KCNH1: variants seen among roughly 807,000 people sequenced by gnomAD.
The protein encoded by KCNH1 is potassium voltage-gated channel subfamily H member 1.
Under a neutral mutation model 69.2 loss-of-function variants are expected in KCNH1, and 27 were observed. The observed-to-expected ratio is 0.39, with a 90% CI of 0.29 to 0.54. KCNH1 has a LOEUF of 0.54. KCNH1 is among the 20% of genes least tolerant of loss of function. The pLI, the probability that KCNH1 is intolerant of heterozygous loss-of-function variation, is 0.68. For synonymous variants in KCNH1, 456 were observed against 487.7 expected, an observed-to-expected ratio of 0.93 and a Z score of 0.86; for missense variants, 798 against 1,261.6, an observed-to-expected ratio of 0.63 and a Z score of 5.57.
At chr1:210,735,417 AGTGAGTGTGTGTGTGTGT>A (rs1198629019) in intron 10 of KCNH1, among the ~76,000 whole-genome samples, 9 of 115,966 alleles carry the variant, frequency 7.8e-5, no homozygotes, top group African/African-American at 1.4e-4. Context: ...TGAATGAGTG[AGTGAGTGTGTGTGTGTGT>A]GTGTGTGTGT....
chr1:210,710,236 C>T (rs1682034444), intron 10 of KCNH1, among the ~76,000 whole-genome samples: 1 of 151,920 alleles, frequency 6.6e-6, no homozygotes, highest in African/African-American at 2.4e-5. Flanking sequence ...AAAAAAAATA[C>T]CACACCTGTA....
At chr1:210,944,828 A>C (rs1237365931) in intron 6 of KCNH1, among the ~76,000 whole-genome samples, 1 of 152,244 alleles carries the variant, frequency 6.6e-6, no homozygotes, top group Non-Finnish European at 1.5e-5. Context: ...TACATTCACA[A>C]GGTTGTACAA....
At chr1:211,082,753 C>T (rs558062637) in intron 5 of KCNH1, 27 bp downstream of exon 5, 1 of 1,577,436 alleles carries the variant, frequency 6.3e-7, no homozygotes, top group Non-Finnish European at 8.7e-7. Flanking sequence ...AAGTGAGGCT[C>T]AAGATGAGCT....
chr1:210,860,965 A>G, intron 7 of KCNH1: 1 of 987,702 alleles, frequency 1.0e-6, no homozygotes, highest in East Asian at 2.4e-5. Context: ...TGTTTCAGCT[A>G]AAGAGCCAAT....
intron 7 of KCNH1, among the ~76,000 whole-genome samples, chr1:210,823,254 C>T (rs556426752): frequency 7.9e-5 from 12 of 151,926 alleles, no homozygotes; most frequent in Non-Finnish European, 1.8e-4. Context: ...GAAAAAAAAA[C>T]AACCCAAATT....
intron 5 of KCNH1, among the ~76,000 whole-genome samples, chr1:211,041,634 C>T (rs75656303): frequency 0.032 from 4,923 of 152,200 alleles, 164 homozygotes; most frequent in East Asian, 0.17. Flanking sequence ...CTCTTTATAT[C>T]AGACTCCATC....
chr1:210,778,560 G>T (rs1468222025), intron 9 of KCNH1, among the ~76,000 whole-genome samples: 1 of 150,450 alleles, frequency 6.6e-6, no homozygotes, highest in East Asian at 1.9e-4. Context: ...TACCTGCCAG[G>T]TTACGTAATA....
At chr1:211,114,005 T>C (rs74548532) in intron 1 of KCNH1, among the ~76,000 whole-genome samples, 3,234 of 113,336 alleles carry the variant, frequency 0.029, 32 homozygotes, top group South Asian at 0.061. Context: ...CACACACACA[T>C]ACACACACAC....
chr1:211,001,809 A>G (rs993341774), intron 6 of KCNH1, among the ~76,000 whole-genome samples: 4 of 152,218 alleles, frequency 2.6e-5, no homozygotes. Context: ...TGTGGCATAT[A>G]TACACCACGG....
At chr1:211,056,374 A>C (rs1490054868) in intron 5 of KCNH1, among the ~76,000 whole-genome samples, 6 of 152,128 alleles carry the variant, frequency 3.9e-5, no homozygotes, top group Non-Finnish European at 7.4e-5. Flanking sequence ...GCTACAATAG[A>C]ATAAAGCACC....
intron 7 of KCNH1, among the ~76,000 whole-genome samples, chr1:210,912,433 A>T (rs1687253323): frequency 1.3e-5 from 2 of 152,206 alleles, no homozygotes; most frequent in Non-Finnish European, 2.9e-5. Context: ...AAGGAACGTC[A>T]TATCCAGATA....
Position 210,834,213 on chromosome 1 carries a change from C to T in KCNH1, c.1463-30047G>A, listed in dbSNP as rs550985943. Among the ~76,000 whole-genome samples the T allele has an allele frequency of 9.8e-3, 1,482 of 151,606 alleles. 28 individuals carry two copies. Among genetic ancestry groups the T allele is most frequent in the African/African-American group, 0.035 (1,424 of 41,254 alleles). On this transcript the variant is annotated intron_variant, in intron 7 of 10. Transcript: ENST00000271751. ...TATACCCAAAGGACTATAAATCATG[C>T]TGCTATAAAGACACATGCACACGTA...
chr1:210,860,422 C>T (rs1685952727), intron 7 of KCNH1: 3 of 1,008,444 alleles, frequency 3.0e-6, no homozygotes, highest in Non-Finnish European at 4.8e-6. Context: ...TTCAACTACA[C>T]TAAGAAGTGT....
intron 1 of KCNH1, among the ~76,000 whole-genome samples, chr1:211,126,865 T>C (rs1691786556): frequency 6.6e-6 from 1 of 152,062 alleles, no homozygotes; most frequent in South Asian, 2.1e-4. Context: ...TAAAGAAACC[T>C]CAACTGCATC....
At chr1:210,925,339 T>A (rs1687546382) in intron 6 of KCNH1, among the ~76,000 whole-genome samples, 1 of 152,192 alleles carries the variant, frequency 6.6e-6, no homozygotes, top group Admixed American at 6.5e-5. Context: ...CAAGAACTAC[T>A]GCAGGAATAT....
intron 7 of KCNH1, among the ~76,000 whole-genome samples, chr1:210,807,745 G>A (rs1045839793): frequency 2.6e-5 from 4 of 152,078 alleles, no homozygotes; most frequent in African/African-American, 9.7e-5. Context: ...TGTTTCAATA[G>A]TTCCTTCCTT....
intron 7 of KCNH1, among the ~76,000 whole-genome samples, chr1:210,826,898 G>C (rs971624276): frequency 6.6e-6 from 1 of 152,244 alleles, no homozygotes; most frequent in Non-Finnish European, 1.5e-5. Flanking sequence ...CCTGTACCAA[G>C]GCTGCCAGTG....
At chr1:210,876,828 G>A (rs1042457906) in intron 7 of KCNH1, among the ~76,000 whole-genome samples, 7 of 152,054 alleles carry the variant, frequency 4.6e-5, no homozygotes, top group Admixed American at 1.3e-4. Flanking sequence ...CACCCTTAGC[G>A]TCACTAAGTG....
intron 10 of KCNH1, among the ~76,000 whole-genome samples, chr1:210,752,157 A>G (rs149590491): frequency 8.9e-4 from 136 of 152,354 alleles, no homozygotes; most frequent in African/African-American, 3.1e-3. Flanking sequence ...AAGTTTATAG[A>G]AGATCCCTGG....
Sources: gnomAD v4.1 joint callset for allele counts (sites outside exome capture counted in the v4.1 genomes callset) on GRCh38, gnomAD v4.1.1 for gene constraint, MANE v1.5 for transcripts, NCBI Gene and HGNC (gene_info 2026-07-23, HGNC 2026-07-21) for gene names.